Variants in NCKAP5 observed in about 807,000 individuals in gnomAD.
NCKAP5 encodes the protein nck-associated protein 5.
A neutral mutation model predicts 167.0 loss-of-function variants in NCKAP5; 92 were observed. The ratio of observed to expected loss-of-function variants is 0.55; its 90% CI spans 0.47 to 0.66. The LOEUF (loss-of-function observed/expected upper bound fraction) is 0.66. Ranked by LOEUF, NCKAP5 falls within the 30% of genes least tolerant of loss-of-function variation. The pLI, the probability that NCKAP5 is intolerant of heterozygous loss-of-function variation, is 0.00. For missense variants in NCKAP5, 2,378 were observed against 2,315.0 expected (o/e 1.03, Z -0.56); for synonymous variants, 891 against 877.4 (o/e 1.02, Z -0.27).
chr2:132,879,426 A>G (rs754834483), intron 8 of NCKAP5, among the ~76,000 whole-genome samples: 3 of 152,232 alleles, frequency 2.0e-5, no homozygotes, highest in Non-Finnish European at 4.4e-5. Flanking sequence ...TAAGACTTGA[A>G]CTATACTTAA....
At chr2:132,967,927 A>G (rs1197996919) in intron 7 of NCKAP5, among the ~76,000 whole-genome samples, 1 of 152,216 alleles carries the variant, frequency 6.6e-6, no homozygotes, top group Non-Finnish European at 1.5e-5. Flanking sequence ...GGAGGTGGCC[A>G]TTACAGCAAA....
intron 2 of NCKAP5, among the ~76,000 whole-genome samples, chr2:133,525,115 C>G (rs189425278): frequency 2.2e-4 from 33 of 152,218 alleles, no homozygotes; most frequent in Middle Eastern, 3.4e-3. Flanking sequence ...TTTTAAAATC[C>G]TACCAGCCCC....
the NCKAP5 span, among the ~76,000 whole-genome samples, chr2:133,659,941 A>G: frequency 6.6e-6 from 1 of 152,154 alleles, no homozygotes; most frequent in Non-Finnish European, 1.5e-5. Flanking sequence ...TAAATGCTCA[A>G]AATATTTTAG....
At chr2:133,667,874 C>A in the NCKAP5 span, among the ~76,000 whole-genome samples, 1 of 151,980 alleles carries the variant, frequency 6.6e-6, no homozygotes, top group Non-Finnish European at 1.5e-5. Context: ...ATCAGCACCA[C>A]TATCTAATTC....
intron 3 of NCKAP5, chr2:133,391,431 C>A (rs1420728303): frequency 6.6e-6 from 1 of 152,402 alleles, no homozygotes; most frequent in Non-Finnish European, 1.5e-5. Flanking sequence ...GACAGCTACC[C>A]TGTTACTTAG....
At chr2:133,582,128 C>T in the NCKAP5 span, among the ~76,000 whole-genome samples, 1 of 152,182 alleles carries the variant, frequency 6.6e-6, no homozygotes, top group African/African-American at 2.4e-5. Flanking sequence ...TTCAATTTCA[C>T]AATAGTAAAA....
At chr2:132,844,621 G>C (rs540357092) in intron 11 of NCKAP5, among the ~76,000 whole-genome samples, 12 of 152,158 alleles carry the variant, frequency 7.9e-5, no homozygotes, top group African/African-American at 2.2e-4. Context: ...CATGAAATAT[G>C]GTTTAACTTG....
intron 4 of NCKAP5, among the ~76,000 whole-genome samples, chr2:133,269,312 A>C (rs1474457157): frequency 6.6e-6 from 1 of 152,222 alleles, no homozygotes; most frequent in East Asian, 1.9e-4. Context: ...TAAGTAAATT[A>C]TAATGTCTAT....
intron 6 of NCKAP5, among the ~76,000 whole-genome samples, chr2:133,006,715 A>G (rs1445614193): frequency 6.6e-6 from 1 of 152,178 alleles, no homozygotes; most frequent in Non-Finnish European, 1.5e-5. Flanking sequence ...AAAGCAGCAC[A>G]GTAAGTAGCC....
At chr2:133,469,237 C>T (rs1692849179) in intron 3 of NCKAP5, among the ~76,000 whole-genome samples, 1 of 151,908 alleles carries the variant, frequency 6.6e-6, no homozygotes, top group Non-Finnish European at 1.5e-5. Flanking sequence ...ATTTGCTTGT[C>T]TGTAAAGTAT....
chr2:133,363,398 T>C (rs935864428), intron 3 of NCKAP5, among the ~76,000 whole-genome samples: 1 of 152,126 alleles, frequency 6.6e-6, no homozygotes, highest in African/African-American at 2.4e-5. Context: ...GCAAAAGAGA[T>C]CATGTGGCAC....
At chr2:133,523,854 T>A (rs866249687) in intron 2 of NCKAP5, among the ~76,000 whole-genome samples, 1 of 152,210 alleles carries the variant, frequency 6.6e-6, no homozygotes, top group Non-Finnish European at 1.5e-5. Context: ...GTAAGTTTCC[T>A]GTCGTTGACA....
chr2:133,068,341 G>A (rs758103769), intron 6 of NCKAP5, among the ~76,000 whole-genome samples: 4 of 152,200 alleles, frequency 2.6e-5, no homozygotes, highest in African/African-American at 9.6e-5. Context: ...AAATGGCCAT[G>A]TGAAATTACA....
At chr2:133,586,751 T>TCTCACA in the NCKAP5 span, among the ~76,000 whole-genome samples, 1 of 140,932 alleles carries the variant, frequency 7.1e-6, no homozygotes, top group Non-Finnish European at 1.5e-5. Context: ...GACAGCAATA[T>TCTCACA]CACACACACA....
At chr2:133,451,270 C>G (rs1185540254) in intron 3 of NCKAP5, among the ~76,000 whole-genome samples, 1 of 152,186 alleles carries the variant, frequency 6.6e-6, no homozygotes, top group East Asian at 1.9e-4. Context: ...AAATGCAAAG[C>G]AAGTTCTCTG....
the NCKAP5 span, among the ~76,000 whole-genome samples, chr2:133,588,328 C>T: frequency 8.3e-6 from 1 of 120,084 alleles, no homozygotes; most frequent in South Asian, 3.3e-4. Context: ...TTCCTCCCCT[C>T]CCTTCCCTCC....
At chr2:133,231,093 C>T (rs1448940185) in intron 4 of NCKAP5, among the ~76,000 whole-genome samples, 1 of 152,084 alleles carries the variant, frequency 6.6e-6, no homozygotes, top group African/African-American at 2.4e-5. Flanking sequence ...GACTACTACA[C>T]GAAGGTCTTC....
intron 8 of NCKAP5, among the ~76,000 whole-genome samples, chr2:132,942,949 G>T (rs1304631389): frequency 6.6e-6 from 1 of 152,210 alleles, no homozygotes. Flanking sequence ...TGGTTAGTCT[G>T]CAGGAAGTCA....
intron 8 of NCKAP5, among the ~76,000 whole-genome samples, chr2:132,902,382 A>C (rs1011991928): frequency 4.6e-5 from 7 of 152,212 alleles, no homozygotes; most frequent in Admixed American, 1.3e-4. Flanking sequence ...ATAAAGGTCA[A>C]GGGGAACAGA....
Sources: gnomAD v4.1 joint callset for allele counts (sites outside exome capture counted in the v4.1 genomes callset) on GRCh38, gnomAD v4.1.1 for gene constraint, MANE v1.5 for transcripts, NCBI Gene and HGNC (gene_info 2026-07-23, HGNC 2026-07-21) for gene names.